Variants in SUPT16H observed in about 807,000 individuals in gnomAD.
The protein encoded by SUPT16H is SPT16 homolog, facilitates chromatin remodeling subunit, also known as FACT complex subunit SPT16.
Under a neutral mutation model 136.2 loss-of-function variants are expected in SUPT16H, and 24 were observed. The observed-to-expected ratio is 0.18, with a 90% CI of 0.13 to 0.25. The LOEUF is 0.25. SUPT16H is among the 10% of genes least tolerant of loss of function. The pLI is 1.00. For missense variants in SUPT16H, 623 were observed against 1,270.2 expected, an observed-to-expected ratio of 0.49 and a Z score of 7.74; for synonymous variants, 415 against 428.2, an observed-to-expected ratio of 0.97 and a Z score of 0.38.
chr14:21,377,974 C>G (rs1886939900), intron 1 of SUPT16H, among the ~76,000 whole-genome samples: 1 of 152,122 alleles, frequency 6.6e-6, no homozygotes, highest in Non-Finnish European at 1.5e-5. Flanking sequence ...AAAGAAAAAA[C>G]AAAGCAGAGG....
At chr14:21,356,845 T>G (rs1451486504) in intron 22 of SUPT16H, among the ~76,000 whole-genome samples, 3 of 152,190 alleles carry the variant, frequency 2.0e-5, no homozygotes, top group African/African-American at 7.2e-5. Flanking sequence ...TGCTCTACAT[T>G]GACTGGGTGC....
At chr14:21,364,997 CA>C in intron 9 of SUPT16H, 58 bp from the exon 10 acceptor site, 3 of 1,605,750 alleles carry the variant, frequency 1.9e-6, no homozygotes, top group Non-Finnish European at 2.6e-6. Flanking sequence ...AGGTGTGAGA[CA>C]TATGCCTAAA....
chr14:21,354,956 T>C (rs921553030), intron 22 of SUPT16H: 5 of 160,420 alleles, frequency 3.1e-5, no homozygotes, highest in African/African-American at 1.2e-4. Flanking sequence ...TTTGATCTCC[T>C]AGAGCACTAG....
chr14:21,365,179 A>C (rs761389410), intron 8 of SUPT16H, 36 bp from the exon 9 acceptor site: 19 of 1,569,526 alleles, frequency 1.2e-5, no homozygotes, highest in Non-Finnish European at 1.7e-5. Context: ...CAAAAGGCTA[A>C]AGATCTCTAA....
intron 2 of SUPT16H, chr14:21,372,261 C>T (rs1886802778): frequency 3.9e-6 from 2 of 508,514 alleles, no homozygotes; most frequent in South Asian, 5.7e-5. Flanking sequence ...GTATTATTTT[C>T]TCTACGTTTA....
intron 19 of SUPT16H, among the ~76,000 whole-genome samples, chr14:21,358,998 C>T (rs996333916): frequency 6.6e-6 from 1 of 151,972 alleles, no homozygotes; most frequent in Non-Finnish European, 1.5e-5. Context: ...GTAGAGACAG[C>T]GTTTCACTGT....
At chr14:21,382,836 A>C (rs1887061006) in intron 1 of SUPT16H, 1 of 152,262 alleles carries the variant, frequency 6.6e-6, no homozygotes, top group South Asian at 2.1e-4. Flanking sequence ...ATTTAGCCCC[A>C]AAAGATGAAA....
intron 10 of SUPT16H, among the ~76,000 whole-genome samples, chr14:21,363,987 C>T (rs1886612644): frequency 6.6e-6 from 1 of 152,092 alleles, no homozygotes; most frequent in Non-Finnish European, 1.5e-5. Flanking sequence ...CCAAGAGCTA[C>T]AATTTGGGAG....
chr14:21,366,292 T>C (rs867730233), intron 8 of SUPT16H, 147 bp downstream of exon 8: 3 of 741,826 alleles, frequency 4.0e-6, no homozygotes, highest in African/African-American at 3.5e-5. Flanking sequence ...TCACCTTCTC[T>C]GATAACATCA....
At chr14:21,370,886 A>G (rs1260622271) in intron 3 of SUPT16H, among the ~76,000 whole-genome samples, 1 of 151,474 alleles carries the variant, frequency 6.6e-6, no homozygotes, top group Admixed American at 6.6e-5. Context: ...AGTGATTCTC[A>G]TGCCTCAGCC....
rs190518764 is a variant in SUPT16H at position 21,363,380 on chromosome 14, A to G, written c.1300-52T>C. On this transcript the variant is annotated intron_variant, in intron 11 of 25. Transcript: ENST00000216297. ...TGAAATTTTAATTATTTTAGCCAAT[A>G]TTATTTAACTTCTTTATATCCTAAA... 5 of 1,605,520 alleles carry G rather than the reference A, an allele frequency of 3.1e-6. No individual in the cohort carries two copies. In the Admixed American group the frequency reaches 5.0e-5, roughly 16 times the overall value.
Position 21,383,889 on chromosome 14 carries a change from T to C in SUPT16H, c.39A>G (p.Arg13=). ...VTLDKDAYYR[R]VKRLYSNWRK... is the part of the protein sequence containing the mutation. ...GCCAATTGCTGTACAGTCTCTTCAC[T>C]CGCCGATAATAAGCGTCTTTGTCCA... Residue 13 remains arginine (R), a synonymous_variant, in exon 1 of 26, where the codon CGA becomes CGG. Coordinates refer to ENST00000216297, the MANE Select transcript of SUPT16H (RefSeq NM_007192.4). The C allele has an allele frequency of 6.2e-7, 1 of 1,613,530 alleles. No individual in the cohort carries two copies. The highest frequency in any genetic ancestry group is 8.5e-7 in the Non-Finnish European group (1 of 1,180,018).
At chr14:21,380,290 G>A (rs1394313484) in intron 1 of SUPT16H, among the ~76,000 whole-genome samples, 6 of 21,644 alleles carry the variant, frequency 2.8e-4, no homozygotes, top group African/African-American at 6.3e-4. Flanking sequence ...ACTGATGGAA[G>A]ACTGAATTTT....
intron 17 of SUPT16H, 94 bp downstream of exon 17, chr14:21,360,752 G>A (rs1021007562): frequency 4.3e-5 from 65 of 1,521,104 alleles, no homozygotes; most frequent in Admixed American, 1.3e-4. Context: ...GCTAACCGGC[G>A]GATGGCTCTT....
At chr14:21,368,137 T>G (rs1886710221) in intron 7 of SUPT16H, 132 bp downstream of exon 7, 3 of 912,220 alleles carry the variant, frequency 3.3e-6, no homozygotes, top group East Asian at 2.6e-5. Context: ...CAGGCTGGTC[T>G]TGAACTCCTG....
intron 1 of SUPT16H, among the ~76,000 whole-genome samples, chr14:21,377,091 A>T (rs865830902): frequency 0.011 from 1,688 of 151,794 alleles, 34 homozygotes; most frequent in African/African-American, 0.038. Flanking sequence ...AAAAAAAAAA[A>T]AAAAAGATCA....
At position 21,369,838 on chromosome 14, in the gene SUPT16H, T is replaced by C. The variant is rs866587435; in HGVS notation, c.542A>G (p.Asn181Ser). ...GATGCTGGCTGCTTTCTTCATTAGG[T>C]TGAGCTCCCCATCCTCCTTTACAGC... ...TIAVKEDGEL[N>S]LMKKAASITS... Residue 181 changes from asparagine (N) to serine (S), a missense_variant, in exon 5 of 26, where the codon AAC (asparagine) becomes AGC (serine). Around this residue, in one of 7 missense-constraint regions of SUPT16H, gnomAD observed 343 missense variants for 525.7 expected, o/e 0.65. Transcript: ENST00000216297. 7 of 1,614,068 alleles carry C rather than the reference T, an allele frequency of 4.3e-6. No homozygotes were observed. Among genetic ancestry groups the C allele is most frequent in the African/African-American group, 4.0e-5 (3 of 74,934 alleles).
rs550450603 is a variant in SUPT16H at position 21,383,496 on chromosome 14, C to T, written c.66+366G>A. ...GGACCAGGGGTGGAATATTGTGGTT[C>T]TGGAGGGACAGAGCGAGTGCGTGAG... On this transcript the variant is annotated intron_variant, in intron 1 of 25. Transcript: ENST00000216297. 1.8e-5 allele frequency: 11 copies of T among 609,824 alleles called. No homozygotes were observed. The South Asian group carries it at 2.1e-4, about 12-fold the overall frequency. 37.8% of individuals were successfully genotyped at this position (609,824 alleles called of 1,614,324 possible). A position where few individuals can be genotyped will look rare whatever the true frequency, so the allele number is the denominator to read the frequency against.
chr14:21,376,554 T>G (rs760582030), intron 1 of SUPT16H, among the ~76,000 whole-genome samples: 3 of 152,188 alleles, frequency 2.0e-5, no homozygotes, highest in Non-Finnish European at 4.4e-5. Context: ...TCATTGATTT[T>G]CAGTAAGAAA....
Sources: allele counts gnomAD v4.1 joint callset (sites outside exome capture counted in the v4.1 genomes callset), GRCh38; gene constraint gnomAD v4.1.1; regional missense constraint gnomAD v4.1.1; transcripts MANE v1.5; gene names NCBI Gene and HGNC (gene_info 2026-07-23, HGNC 2026-07-21).